RPRD1A: variants seen among roughly 807,000 people sequenced by gnomAD.
The protein encoded by RPRD1A is regulation of nuclear pre-mRNA domain containing 1A.
Under a neutral mutation model 37.8 loss-of-function variants are expected in RPRD1A, and 9 were observed. That is an observed-to-expected ratio of 0.24 (90% confidence interval 0.14 to 0.42). The LOEUF is 0.42. Among genes scored for constraint, RPRD1A ranks in the 10% least tolerant of loss-of-function variants. RPRD1A has a pLI of 1.00. For synonymous variants in RPRD1A, 138 were observed against 139.7 expected, an observed-to-expected ratio of 0.99 and a Z score of 0.08; for missense variants, 255 against 371.0, an observed-to-expected ratio of 0.69 and a Z score of 2.57.
intron 6 of RPRD1A, among the ~76,000 whole-genome samples, chr18:35,994,218 G>A (rs1318306288): frequency 1.3e-5 from 2 of 152,208 alleles, no homozygotes; most frequent in Non-Finnish European, 2.9e-5. Context: ...ACAGTGCATG[G>A]CACAAGGCAG....
chr18:36,060,149 T>C (rs1452791017), intron 1 of RPRD1A, among the ~76,000 whole-genome samples: 1 of 152,180 alleles, frequency 6.6e-6, no homozygotes, highest in Non-Finnish European at 1.5e-5. Context: ...AATGTTCTTT[T>C]GGCCGGGTGT....
At chr18:36,028,264 G>A (rs1911519355) in intron 4 of RPRD1A, 1 of 151,512 alleles carries the variant, frequency 6.6e-6, no homozygotes, top group Non-Finnish European at 1.5e-5. Context: ...GGTAGCACAT[G>A]ACAAATGATC....
intron 1 of RPRD1A, among the ~76,000 whole-genome samples, chr18:36,040,425 A>C (rs1912497709): frequency 1.3e-5 from 2 of 152,236 alleles, no homozygotes; most frequent in African/African-American, 2.4e-5. Context: ...TAATGAATGC[A>C]CTGTACATTA....
At chr18:36,044,150 G>A (rs1786233) in intron 1 of RPRD1A, among the ~76,000 whole-genome samples, 78,361 of 151,964 alleles carry the variant, frequency 0.52, 22,751 homozygotes, top group Middle Eastern at 0.66. Flanking sequence ...AGGAGGAAGA[G>A]GGGGAAGAGG....
chr18:36,059,416 G>A (rs2088861510), intron 1 of RPRD1A, among the ~76,000 whole-genome samples: 1 of 152,198 alleles, frequency 6.6e-6, no homozygotes, highest in Middle Eastern at 3.4e-3. Context: ...GGGATTACAG[G>A]CATGCACCAC....
intron 1 of RPRD1A, among the ~76,000 whole-genome samples, chr18:36,048,362 G>A (rs996422372): frequency 1.8e-4 from 28 of 151,820 alleles, no homozygotes; most frequent in Admixed American, 3.9e-4. Context: ...CACCGCACCC[G>A]GCCAAATGTA....
At chr18:35,996,187 T>C (rs1312907393) in intron 6 of RPRD1A, among the ~76,000 whole-genome samples, 1 of 152,236 alleles carries the variant, frequency 6.6e-6, no homozygotes, top group Non-Finnish European at 1.5e-5. Flanking sequence ...TAGGGGAAAC[T>C]GGATGTGAAG....
At chr18:36,004,537 G>A (rs1157177963) in intron 6 of RPRD1A, among the ~76,000 whole-genome samples, 1 of 152,304 alleles carries the variant, frequency 6.6e-6, no homozygotes, top group East Asian at 1.9e-4. Flanking sequence ...TTACAGGCAT[G>A]AGCCGGCGCC....
Position 36,065,329 on chromosome 18 carries a change from T to A in RPRD1A, c.151+1925A>T, listed in dbSNP as rs1471023465. Among the ~76,000 whole-genome samples the A allele has an allele frequency of 2.7e-5, 4 of 147,730 alleles. No homozygotes were observed. The East Asian group carries it at 7.7e-4, about 28-fold the overall frequency. On this transcript the variant is annotated intron_variant, in intron 1 of 6. Coordinates refer to ENST00000399022, the MANE Select transcript of RPRD1A (RefSeq NM_018170.5). ...GTACCTTGTTTTCTTAGCTCAAGAT[T>A]TTGTTTGTTTTTCAATTCAGTCACG...
chr18:36,046,110 A>G (rs1195580817), intron 1 of RPRD1A, among the ~76,000 whole-genome samples: 1 of 152,234 alleles, frequency 6.6e-6, no homozygotes, highest in Non-Finnish European at 1.5e-5. Flanking sequence ...CTAAAACAGC[A>G]AAACAGAAAA....
chr18:36,005,252 G>C (rs1909674738), intron 6 of RPRD1A, among the ~76,000 whole-genome samples: 1 of 152,054 alleles, frequency 6.6e-6, no homozygotes, highest in African/African-American at 2.4e-5. Flanking sequence ...AGTGAGCTGA[G>C]ATTGCGCCAC....
At chr18:36,047,145 TTACA>T (rs1913017373) in intron 1 of RPRD1A, among the ~76,000 whole-genome samples, 1 of 151,716 alleles carries the variant, frequency 6.6e-6, no homozygotes, top group Non-Finnish European at 1.5e-5. Flanking sequence ...AGGTTGGAGG[TTACA>T]GTGAGCTGCG....
intron 2 of RPRD1A, among the ~76,000 whole-genome samples, chr18:36,031,572 T>C (rs1335350563): frequency 6.6e-6 from 1 of 152,150 alleles, no homozygotes; most frequent in African/African-American, 2.4e-5. Flanking sequence ...TTAAGAGATA[T>C]CCGGAAGAGT....
chr18:36,034,058 C>A (rs1397734789), intron 1 of RPRD1A, among the ~76,000 whole-genome samples: 2 of 151,776 alleles, frequency 1.3e-5, no homozygotes, highest in African/African-American at 4.8e-5. Flanking sequence ...TGACTCTATC[C>A]TGTATTAAAT....
intron 6 of RPRD1A, among the ~76,000 whole-genome samples, chr18:36,020,469 G>C (rs1345354976): frequency 6.6e-6 from 1 of 152,132 alleles, no homozygotes; most frequent in East Asian, 1.9e-4. Flanking sequence ...AATCATCAAA[G>C]AAGGCAATAA....
intron 6 of RPRD1A, among the ~76,000 whole-genome samples, chr18:36,000,529 C>T (rs1598595536): frequency 6.6e-6 from 1 of 152,150 alleles, no homozygotes; most frequent in Non-Finnish European, 1.5e-5. Context: ...AACCCAATGC[C>T]TGTCAACTAG....
chr18:36,025,919 C>G, intron 6 of RPRD1A: 1 of 244,870 alleles, frequency 4.1e-6, no homozygotes, highest in Non-Finnish European at 8.1e-6. Context: ...GTATAGTGGC[C>G]ACCAACTATC....
At chr18:36,023,740 AT>A (rs1297253861) in intron 6 of RPRD1A, among the ~76,000 whole-genome samples, 1 of 152,208 alleles carries the variant, frequency 6.6e-6, no homozygotes, top group Non-Finnish European at 1.5e-5. Context: ...AGCCATCAAT[AT>A]CAAGGCAAGA....
At chr18:36,044,826 T>C (rs969656666) in intron 1 of RPRD1A, among the ~76,000 whole-genome samples, 2 of 151,990 alleles carry the variant, frequency 1.3e-5, no homozygotes, top group Non-Finnish European at 2.9e-5. Context: ...AAACTGCAAT[T>C]GTATCCAAAG....
Sources: gnomAD v4.1 joint callset for allele counts (sites outside exome capture counted in the v4.1 genomes callset) on GRCh38, gnomAD v4.1.1 for gene constraint, MANE v1.5 for transcripts, NCBI Gene and HGNC (gene_info 2026-07-23, HGNC 2026-07-21) for gene names.